Variants in SYNCRIP observed in about 807,000 individuals in gnomAD.
SYNCRIP encodes the protein heterogeneous nuclear ribonucleoprotein Q.
Under a neutral mutation model 68.9 loss-of-function variants are expected in SYNCRIP, and 9 were observed. The ratio of observed to expected loss-of-function variants is 0.13; its 90% CI spans 0.08 to 0.23. The LOEUF (loss-of-function observed/expected upper bound fraction) is 0.23. Ranked by LOEUF, SYNCRIP falls within the 10% of genes least tolerant of loss-of-function variation. The pLI, the probability that SYNCRIP is intolerant of heterozygous loss-of-function variation, is 1.00. For missense variants in SYNCRIP, 414 were observed against 770.6 expected (o/e 0.54, Z 5.48); for synonymous variants, 258 against 254.0 (o/e 1.02, Z -0.15).
chr6:85,613,419 A>G (rs1805413202), downstream of SYNCRIP, among the ~76,000 whole-genome samples: 2 of 152,162 alleles, frequency 1.3e-5, no homozygotes, highest in Admixed American at 6.5e-5. Context: ...CAGGTATAAT[A>G]CCTTTAAATT....
chr6:85,639,721 C>T (rs920485219), intron 4 of SYNCRIP, among the ~76,000 whole-genome samples: 2 of 152,170 alleles, frequency 1.3e-5, no homozygotes, highest in Admixed American at 1.3e-4. Flanking sequence ...AAAAAGCCTC[C>T]TCCTCCTAGC....
chr6:85,631,025 C>T lies in SYNCRIP; in HGVS notation c.666+5942G>A, dbSNP rs116783874. On this transcript the variant is annotated intron_variant, in intron 6 of 10. Coordinates refer to ENST00000369622, the MANE Select transcript of SYNCRIP (RefSeq NM_006372.5). ...TTCAACCCCTACGAAAGCAGAACAG[C>T]AGAAGGCAGCCTTAAAATGATAATG... is the stretch of plus-strand genomic sequence containing the variant. 8.0e-3 allele frequency among the ~76,000 whole-genome samples: 1,216 copies of T among 152,244 alleles called. 20 individuals are homozygous for T. The highest frequency in any genetic ancestry group is 0.028 in the African/African-American group (1,166 of 41,540).
chr6:85,616,626 G>A (rs757849895), intron 10 of SYNCRIP, among the ~76,000 whole-genome samples: 1 of 152,162 alleles, frequency 6.6e-6, no homozygotes, highest in African/African-American at 2.4e-5. Context: ...GGGATTACAG[G>A]CATGAGCCAC....
chr6:85,622,072 A>T (rs554703496), intron 8 of SYNCRIP, among the ~76,000 whole-genome samples: 4 of 150,940 alleles, frequency 2.7e-5, no homozygotes, highest in Admixed American at 1.3e-4. Flanking sequence ...AATATGGTTT[A>T]AAAAAAAATG....
In SYNCRIP at chr6:85,614,320, TAGC is replaced by T. The variant is rs1805521454; in HGVS notation, c.*433_*435del. ...TTAGGTCAAAGTTCTAAATTAAAAA[TAGC>T]AGTTGTGTATCAATTTACCTTATTC... is the stretch of plus-strand genomic sequence containing the variant. On this transcript the variant is annotated 3_prime_UTR_variant, in exon 11 of 11. Coordinates refer to ENST00000369622, the MANE Select transcript of SYNCRIP (RefSeq NM_006372.5). 2 of 987,068 alleles carry T rather than the reference TAGC, an allele frequency of 2.0e-6. No individual in the cohort carries two copies. The highest frequency in any genetic ancestry group is 1.2e-6 in the Non-Finnish European group (1 of 830,772). The allele number at this position is 987,068 out of a possible 1,614,324, so 61.1% of individuals were successfully genotyped here.
chr6:85,615,800 ACT>A lies in SYNCRIP; in HGVS notation c.1281-455_1281-454del, dbSNP rs1445933733. 2.0e-5 allele frequency among the ~76,000 whole-genome samples: 3 copies of A among 152,164 alleles called. No individual in the cohort carries two copies. The East Asian group carries it at 5.8e-4, about 29-fold the overall frequency. On this transcript the variant is annotated intron_variant, in intron 10 of 10. Transcript: ENST00000369622. ...ACTCCAGCCTGGGTGACAGAGCGAG[ACT>A]CTGACTCAAAAAAAAATTTGTCACT...
intron 6 of SYNCRIP, among the ~76,000 whole-genome samples, chr6:85,629,699 G>A (rs1807488565): frequency 6.6e-6 from 1 of 152,060 alleles, no homozygotes; most frequent in Non-Finnish European, 1.5e-5. Flanking sequence ...GTGCTCACCT[G>A]TAGTCCCAGC....
chr6:85,636,809 A>G (rs187505810), intron 6 of SYNCRIP, among the ~76,000 whole-genome samples, 158 bp downstream of exon 6: 1 of 152,316 alleles, frequency 6.6e-6, no homozygotes, highest in Admixed American at 6.5e-5. Context: ...CATGCAAAGA[A>G]TAACACTACA....
intron 6 of SYNCRIP, among the ~76,000 whole-genome samples, chr6:85,634,460 C>T (rs1000226356): frequency 2.0e-5 from 3 of 152,202 alleles, no homozygotes; most frequent in Non-Finnish European, 2.9e-5. Flanking sequence ...GCAGTGGTCC[C>T]TCAGCACATA....
chr6:85,624,236 G>A, intron 6 of SYNCRIP, 124 bp from the exon 7 acceptor site: 3 of 861,738 alleles, frequency 3.5e-6, no homozygotes, highest in Non-Finnish European at 5.3e-6. Context: ...CCATACAAGG[G>A]AATTATGAGG....
At chr6:85,636,182 C>T (rs1205898329) in intron 6 of SYNCRIP, among the ~76,000 whole-genome samples, 4 of 152,174 alleles carry the variant, frequency 2.6e-5, no homozygotes, top group African/African-American at 9.7e-5. Flanking sequence ...TGGTGGCTCA[C>T]GTCTAAAATC....
chr6:85,643,541 G>T (rs1306669392), upstream of SYNCRIP, among the ~76,000 whole-genome samples: 2 of 151,608 alleles, frequency 1.3e-5, no homozygotes, highest in Non-Finnish European at 3.0e-5. Flanking sequence ...CTCCAGGCGG[G>T]GCGGGCCGGC....
chr6:85,638,992 G>C (rs550111081), intron 4 of SYNCRIP, among the ~76,000 whole-genome samples: 2 of 152,246 alleles, frequency 1.3e-5, no homozygotes, highest in African/African-American at 4.8e-5. Context: ...GGTGGGTCAC[G>C]AGGTCAAGAG....
rs78836405 is a variant in SYNCRIP, at chr6:85,642,339, C to G, written c.-13+458G>C. 2.0e-3 allele frequency among the ~76,000 whole-genome samples: 298 copies of G among 152,318 alleles called. 6 individuals carry two copies. In the East Asian group the frequency reaches 0.045, roughly 23 times the overall value. ...TGGCGCGCTGTGCAGGTCCCCACCCCTTACCCTTCCGTGCAGTGACTGCGA... is the reference window on the plus strand; with the variant it reads ...TGGCGCGCTGTGCAGGTCCCCACCCGTTACCCTTCCGTGCAGTGACTGCGA... On this transcript the variant is annotated intron_variant, in intron 1 of 10. Coordinates refer to ENST00000369622, the MANE Select transcript of SYNCRIP (RefSeq NM_006372.5).
chr6:85,619,179 TCTC>T, intron 9 of SYNCRIP, 86 bp downstream of exon 9: 1 of 1,539,624 alleles, frequency 6.5e-7, no homozygotes, highest in Non-Finnish European at 8.8e-7. Context: ...ACTTCCAAAG[TCTC>T]CTCCAATTTG....
At chr6:85,627,614 G>A (rs1416664455) in intron 6 of SYNCRIP, among the ~76,000 whole-genome samples, 1 of 152,100 alleles carries the variant, frequency 6.6e-6, no homozygotes, top group Non-Finnish European at 1.5e-5. Flanking sequence ...GTGAATAAGA[G>A]ATTCTAATTT....
chr6:85,617,014 G>A (rs962228951), intron 10 of SYNCRIP, among the ~76,000 whole-genome samples: 3 of 152,084 alleles, frequency 2.0e-5, no homozygotes, highest in Non-Finnish European at 4.4e-5. Context: ...TAGTGGTTAA[G>A]AGGGAAAATT....
Position 85,641,315 on chromosome 6 carries a change from T to C in SYNCRIP, c.125A>G (p.Lys42Arg). 6.2e-7 allele frequency: 1 copy of C among 1,611,668 alleles called. No individual in the cohort carries two copies. The highest frequency in any genetic ancestry group is 8.5e-7 in the Non-Finnish European group (1 of 1,179,984). ...ACCTGCAACGTAAATTTCATCTAGTTTTTCAGCAACTTTCTGTGGTAAACC... is the reference window on the plus strand; with the variant it reads ...ACCTGCAACGTAAATTTCATCTAGTCTTTCAGCAACTTTCTGTGGTAAACC... The part of the protein sequence containing the change: ...DAGLPQKVAE[K>R]LDEIYVAGLV... Residue 42 changes from lysine to arginine, a missense_variant, in exon 2 of 11, where the codon AAA (lysine) becomes AGA (arginine). Lys to Arg is a conservative substitution (Grantham distance 26, BLOSUM62 2). Around this residue, in one of 6 missense-constraint regions of SYNCRIP, gnomAD observed 51 missense variants for 63.7 expected, o/e 0.80. Coordinates refer to ENST00000369622, the MANE Select transcript of SYNCRIP (RefSeq NM_006372.5).
downstream of SYNCRIP, chr6:85,613,069 TG>T: frequency 1.1e-6 from 1 of 931,750 alleles, no homozygotes; most frequent in Non-Finnish European, 1.5e-6. Flanking sequence ...TTAATAACTA[TG>T]AACTTCTTTT....
Sources: allele counts gnomAD v4.1 joint callset (sites outside exome capture counted in the v4.1 genomes callset), GRCh38; gene constraint gnomAD v4.1.1; regional missense constraint gnomAD v4.1.1; transcripts MANE v1.5; gene names NCBI Gene and HGNC (gene_info 2026-07-23, HGNC 2026-07-21).